Variants in TMEM187 observed in about 807,000 individuals in gnomAD.
TMEM187 encodes the protein transmembrane protein 187.
TMEM187 carries 14 observed loss-of-function variants against 11.8 expected under a neutral mutation model. That is an observed-to-expected ratio of 1.18 (90% CI 0.78 to 1.85). TMEM187 has a LOEUF of 1.85. Ranked by LOEUF, TMEM187 falls within the 40% of genes most tolerant of loss-of-function variation. The probability of loss-of-function intolerance (pLI) is 0.00; values close to 1 mark genes in which losing one functional copy is unlikely to be tolerated. For missense variants in TMEM187, 227 were observed against 243.9 expected (o/e 0.93, Z 0.46); for synonymous variants, 112 against 118.5 (o/e 0.95, Z 0.36).
At chrX:153,973,107 A>AAGATCTACC (rs1189416437) in intron 1 of TMEM187, among the ~76,000 whole-genome samples, 1 of 112,421 alleles carries the variant, frequency 8.9e-6, no homozygotes, top group Non-Finnish European at 1.9e-5. Flanking sequence ...GTTAAATTAC[A>AAGATCTACC]AGATCTACCA....
Position 153,981,835 on chromosome X carries a change from T to C in TMEM187, c.-213-15T>C, listed in dbSNP as rs782709558. ...CGGTTTGTTTTCTAACCACACTCCTTTTGTAACCACAAAGGAAAAAGGCAG... is the reference window on the plus strand; with the variant it reads ...CGGTTTGTTTTCTAACCACACTCCTCTTGTAACCACAAAGGAAAAAGGCAG... On this transcript the variant is annotated splice_polypyrimidine_tract_variant and intron_variant, in intron 1 of 1. Transcript: ENST00000369982. 3.3e-5 allele frequency: 19 copies of C among 569,409 alleles called. No homozygotes were observed. Among genetic ancestry groups the C allele is most frequent in the Non-Finnish European group, 5.2e-5 (19 of 365,783 alleles). 46.9% of individuals were successfully genotyped at this position (569,409 alleles called of 1,213,427 possible). A position where few individuals can be genotyped will look rare whatever the true frequency, so the allele number is the denominator to read the frequency against.
At position 153,983,033 on chromosome X, in the gene TMEM187, T is replaced by TA; in HGVS notation, c.*186dup. 1 of 906,296 alleles carries TA rather than the reference T, an allele frequency of 1.1e-6. No homozygotes were observed. Among genetic ancestry groups the TA allele is most frequent in the Non-Finnish European group, 1.5e-6 (1 of 647,179 alleles). 74.7% of individuals were successfully genotyped at this position (906,296 alleles called of 1,213,427 possible). On this transcript the variant is annotated 3_prime_UTR_variant, in exon 2 of 2. Coordinates refer to ENST00000369982, the MANE Select transcript of TMEM187 (RefSeq NM_003492.3). ...GTGGAGTGCTGTGATCTCGACAACTTACTTTCAAAGACATAAAGCACAGAT... is the reference window on the plus strand; with the variant it reads ...GTGGAGTGCTGTGATCTCGACAACTTAACTTTCAAAGACATAAAGCACAGAT...
Position 153,982,329 on chromosome X carries a change from C to T in TMEM187, c.267C>T (p.Phe89=). ...GTCCCCGCTACCTGAAGGACGTGTT[C>T]GCAGCCATGGCCCTGCTCTATGGCC... ...GLGPRYLKDV[F]AAMALLYGPV... The change falls in exon 2 of 2, where the codon TTC becomes TTT. Residue 89 remains phenylalanine (F), a synonymous_variant. Coordinates refer to ENST00000369982, the MANE Select transcript of TMEM187 (RefSeq NM_003492.3). 6.6e-6 allele frequency: 8 copies of T among 1,209,294 alleles called. No homozygotes were observed. Among genetic ancestry groups the T allele is most frequent in the Admixed American group, 6.5e-5 (3 of 45,985 alleles).
intron 1 of TMEM187, among the ~76,000 whole-genome samples, chrX:153,978,569 C>CTTTTTTTTTTTTTTT (rs781940360): frequency 7.7e-5 from 3 of 38,915 alleles, no homozygotes; most frequent in African/African-American, 3.9e-4. Flanking sequence ...CGCCTGGCCA[C>CTTTTTTTTTTTTTTT]TTTTTTTTTT....
chrX:153,979,759 T>G (rs1227134761), intron 1 of TMEM187, among the ~76,000 whole-genome samples: 2 of 85,645 alleles, frequency 2.3e-5, no homozygotes, highest in African/African-American at 8.9e-5. Flanking sequence ...TTTTTTTAGA[T>G]GGAGTCGCGC....
chrX:153,978,891 A>G (rs1318112399), intron 1 of TMEM187, among the ~76,000 whole-genome samples: 1 of 110,352 alleles, frequency 9.1e-6, no homozygotes, highest in Non-Finnish European at 1.9e-5. Context: ...GGTTCAAGCA[A>G]TTCTCCCGTC....
At chrX:153,981,574 C>G (rs902178628) in intron 1 of TMEM187, among the ~76,000 whole-genome samples, 1 of 112,128 alleles carries the variant, frequency 8.9e-6, no homozygotes, top group African/African-American at 3.2e-5. Context: ...CATGGGAAGG[C>G]GCATTCTGAG....
Position 153,982,504 on chromosome X carries a change from G to T in TMEM187, c.442G>T (p.Val148Phe). ...CTGGCTGTTCCTCTCTCTTGAGTGC[G>T]TCTCCCTGGCCAGTTATGGCCTCGC... ...RPWLFLSLECVSLASYGLALL... is the reference protein window; with the variant it reads ...RPWLFLSLECFSLASYGLALL... Residue 148 changes from valine (V) to phenylalanine (F), a missense_variant, in exon 2 of 2, where the codon GTC (valine) becomes TTC (phenylalanine). Coordinates refer to ENST00000369982, the MANE Select transcript of TMEM187 (RefSeq NM_003492.3). 1 of 1,205,220 alleles carries T rather than the reference G, an allele frequency of 8.3e-7. No individual in the cohort carries two copies. The highest frequency in any genetic ancestry group is 1.1e-6 in the Non-Finnish European group (1 of 894,827).
chrX:153,972,883 G>A (rs782588801), intron 1 of TMEM187, 23 bp downstream of exon 1: 2 of 114,865 alleles, frequency 1.7e-5, no homozygotes, highest in Admixed American at 1.9e-4. Flanking sequence ...CGCAGCCCTG[G>A]GAGGTGGGTC....
chrX:153,982,626 C>T lies in TMEM187; in HGVS notation c.564C>T (p.Thr188=). 3.3e-6 allele frequency: 4 copies of T among 1,212,123 alleles called. No homozygotes were observed. The highest frequency in any genetic ancestry group is 4.5e-6 in the Non-Finnish European group (4 of 895,627). ...ALRTHRHYGS[T]TSATYLALGV... ...GCACCCACAGGCACTATGGCAGCAC[C>T]ACCTCGGCTACCTACTTAGCTTTGG... The change falls in exon 2 of 2, where the codon ACC becomes ACT. Residue 188 remains threonine (T), a synonymous_variant. Transcript: ENST00000369982.
At chrX:153,975,873 G>C (rs2065576011) in intron 1 of TMEM187, among the ~76,000 whole-genome samples, 1 of 107,734 alleles carries the variant, frequency 9.3e-6, no homozygotes, top group African/African-American at 3.4e-5. Context: ...TAGAACTCCT[G>C]ACCTTAAGTG....
Position 153,982,392 on chromosome X carries a change from T to C in TMEM187, c.330T>C (p.Arg110=). ...TGCGCCTGTGGACGCAGTGGCGCCGTGCCGCGGTGCTGGACCAGTGGCTCA... is the reference window on the plus strand; with the variant it reads ...TGCGCCTGTGGACGCAGTGGCGCCGCGCCGCGGTGCTGGACCAGTGGCTCA... ...QWLRLWTQWR[R]AAVLDQWLTL... Residue 110 remains arginine (R), a synonymous_variant, in exon 2 of 2, where the codon CGT becomes CGC. Coordinates refer to ENST00000369982, the MANE Select transcript of TMEM187 (RefSeq NM_003492.3). 1 of 1,198,577 alleles carries C rather than the reference T, an allele frequency of 8.3e-7. No individual in the cohort carries two copies. Among genetic ancestry groups the C allele is most frequent in the Non-Finnish European group, 1.1e-6 (1 of 892,063 alleles).
chrX:153,981,719 T>G (rs906400145), intron 1 of TMEM187, 131 bp from the exon 2 acceptor site: 5 of 358,352 alleles, frequency 1.4e-5, no homozygotes, highest in Non-Finnish European at 2.0e-5. Flanking sequence ...AGAGTCAGTG[T>G]GCAGCGGTTT....
chrX:153,975,629 CTTTTTT>C (rs58423366), intron 1 of TMEM187, among the ~76,000 whole-genome samples: 2 of 16,643 alleles, frequency 1.2e-4, no homozygotes, highest in African/African-American at 3.8e-4. Context: ...CACACCCAGC[CTTTTTT>C]TTTTTTTTTT....
chrX:153,980,788 A>G (rs782338901), intron 1 of TMEM187, among the ~76,000 whole-genome samples: 109 of 108,974 alleles, frequency 1.0e-3, no homozygotes, highest in African/African-American at 3.5e-3. Flanking sequence ...GCATGGTGGT[A>G]CACGCCTCTA....
chrX:153,981,423 A>T (rs1189787278), intron 1 of TMEM187, among the ~76,000 whole-genome samples: 3 of 111,684 alleles, frequency 2.7e-5, no homozygotes, highest in Non-Finnish European at 3.8e-5. Context: ...TGAGTGGCAG[A>T]CGGTGAATCC....
In TMEM187 at chrX:153,982,091, T is replaced by C. The variant is rs782022339; in HGVS notation, c.29T>C (p.Val10Ala). 1.6e-6 allele frequency: 2 copies of C among 1,212,642 alleles called. No individual in the cohort carries two copies. ...AATCCAGAGTGGGGGCAGGCCTTCG[T>C]GCACGTGGCCGTGGCCGGTGGCCTC... MNPEWGQAF[V>A]HVAVAGGLCA... The change falls in exon 2 of 2, where the codon GTG (valine) becomes GCG (alanine). Residue 10 changes from valine (V) to alanine (A), a missense_variant. Val to Ala is a moderately conservative substitution (Grantham distance 64). Transcript: ENST00000369982.
Position 153,983,011 on chromosome X carries a change from G to A in TMEM187, c.*163G>A, listed in dbSNP as rs1222059031. On this transcript the variant is annotated 3_prime_UTR_variant, in exon 2 of 2. Transcript: ENST00000369982. ...CTGCGGGCTTCGGTGTGGAGGGGTG[G>A]AGTGCTGTGATCTCGACAACTTACT... 17 of 1,037,008 alleles carry A rather than the reference G, an allele frequency of 1.6e-5. No individual in the cohort carries two copies. The East Asian group carries it at 5.3e-4, about 32-fold the overall frequency. 85.5% of individuals were successfully genotyped at this position (1,037,008 alleles called of 1,213,427 possible).
intron 1 of TMEM187, among the ~76,000 whole-genome samples, chrX:153,973,694 C>T (rs1351570951): frequency 7.1e-5 from 8 of 112,019 alleles, no homozygotes; most frequent in African/African-American, 2.6e-4. Flanking sequence ...AACACACACA[C>T]ACACACACAC....
Sources: allele counts gnomAD v4.1 joint callset (sites outside exome capture counted in the v4.1 genomes callset), GRCh38; gene constraint gnomAD v4.1.1; transcripts MANE v1.5; gene names NCBI Gene and HGNC (gene_info 2026-07-23, HGNC 2026-07-21).